The following EHMT1 variants were observed in gnomAD, a reference collection of about 807,000 sequenced individuals.
EHMT1 encodes euchromatic histone lysine methyltransferase 1.
Under a neutral mutation model 147.2 loss-of-function variants are expected in EHMT1, and 15 were observed. That is an observed-to-expected ratio of 0.10 (90% CI 0.07 to 0.16). The LOEUF is 0.16. EHMT1 is among the 10% of genes least tolerant of loss of function. The pLI, the probability that EHMT1 is intolerant of heterozygous loss-of-function variation, is 1.00. For synonymous variants in EHMT1, 795 were observed against 709.6 expected (o/e 1.12, Z -1.91); for missense variants, 1,587 against 1,772.4 (o/e 0.90, Z 1.88).
Position 137,668,929 on chromosome 9 carries a change from C to T in EHMT1, c.22-42038C>T, listed in dbSNP as rs531665637. On this transcript the variant is annotated intron_variant, in intron 1 of 26. Transcript: ENST00000460843. ...GGAGACGGAGTCTCGCTCTGTCCCC[C>T]AGGCTGGAGTGCAGTGGCGCAATCT... 1.1e-4 allele frequency among the ~76,000 whole-genome samples: 17 copies of T among 152,312 alleles called. No individual in the cohort carries two copies. In the East Asian group the frequency reaches 3.3e-3, roughly 29 times the overall value.
chr9:137,796,984 C>T (rs1366678565), intron 16 of EHMT1, among the ~76,000 whole-genome samples: 1 of 152,086 alleles, frequency 6.6e-6, no homozygotes, highest in Non-Finnish European at 1.5e-5. Flanking sequence ...TGTGATGTGT[C>T]TGCAGGTGAT....
Position 137,813,079 on chromosome 9 carries a change from C to T in EHMT1, c.2941C>T (p.Leu981Phe), listed in dbSNP as rs1236299267. The stretch of plus-strand genomic sequence containing the variant: ...AGAGACGCCCCTGCAGTGTGCGAGC[C>T]TCAACTCTCAGGTGTGGAGCGCTCT... ...EGETPLQCAS[L>F]NSQVWSALQM... Residue 981 changes from leucine (L) to phenylalanine (F), a missense_variant, in exon 20 of 27, where the codon CTC (leucine) becomes TTC (phenylalanine). Around this residue, in one of 7 missense-constraint regions of EHMT1, gnomAD observed 78 missense variants for 68.9 expected, o/e 1.13. Transcript: ENST00000460843. The surrounding 1 kb of genome is among the most constrained non-coding windows in gnomAD (Gnocchi z 4.9). 1 of 1,613,826 alleles carries T rather than the reference C, an allele frequency of 6.2e-7. No individual in the cohort carries two copies. Among genetic ancestry groups the T allele is most frequent in the Non-Finnish European group, 8.5e-7 (1 of 1,180,034 alleles).
At chr9:137,712,946 T>C (rs1944877330) in intron 2 of EHMT1, among the ~76,000 whole-genome samples, 2 of 152,202 alleles carry the variant, frequency 1.3e-5, no homozygotes, top group South Asian at 2.1e-4. Flanking sequence ...TTTGAGTTAA[T>C]TTTTGTATAT....
intron 1 of EHMT1, among the ~76,000 whole-genome samples, chr9:137,635,442 T>C (rs989310522): frequency 1.3e-5 from 2 of 150,948 alleles, no homozygotes; most frequent in African/African-American, 2.4e-5. Flanking sequence ...GTCTTGAACT[T>C]CTGACCTCGT....
At position 137,622,144 on chromosome 9, in the gene EHMT1, A is replaced by G. The variant is rs1052170887; in HGVS notation, c.21+3095A>G. Among the ~76,000 whole-genome samples the G allele has an allele frequency of 3.4e-5, 4 of 116,350 alleles. No homozygotes were observed. The East Asian group carries it at 1.1e-3, about 32-fold the overall frequency. The allele number at this position is 116,350 out of a possible 152,430, so 76.3% of individuals were successfully genotyped here. A position where few individuals can be genotyped will look rare whatever the true frequency, so the allele number is the denominator to read the frequency against. On this transcript the variant is annotated intron_variant, in intron 1 of 26. Transcript: ENST00000460843. ...CCCCTTTTTTTTCTTTTTGAGAATG[A>G]GTCTTGATCTATTGCCCAGGCTGGA...
At chr9:137,623,572 G>T in intron 1 of EHMT1, among the ~76,000 whole-genome samples, 1 of 151,984 alleles carries the variant, frequency 6.6e-6, no homozygotes, top group Middle Eastern at 3.4e-3. Flanking sequence ...TTGCTACCAC[G>T]CCTGTGCCTG....
chr9:137,669,698 A>T (rs1940307372), intron 1 of EHMT1, among the ~76,000 whole-genome samples: 1 of 151,930 alleles, frequency 6.6e-6, no homozygotes, highest in Non-Finnish European at 1.5e-5. Flanking sequence ...TCCCTATGTA[A>T]AAAAAAGCTT....
At chr9:137,780,624 C>T (rs1163109353) in intron 14 of EHMT1, among the ~76,000 whole-genome samples, 2 of 108,116 alleles carry the variant, frequency 1.8e-5, no homozygotes, top group African/African-American at 4.0e-5. Flanking sequence ...GTGGTGATGA[C>T]GCTGAGATGT....
chr9:137,717,152 C>A lies in EHMT1; in HGVS notation c.612C>A (p.Arg204=), dbSNP rs761011742. 6.2e-7 allele frequency: 1 copy of A among 1,612,504 alleles called. No individual in the cohort carries two copies. The highest frequency in any genetic ancestry group is 1.7e-5 in the Admixed American group (1 of 60,020). Residue 204 remains arginine, a synonymous_variant, in exon 3 of 27, where the codon CGC becomes CGA. Transcript: ENST00000460843. ...PGADVKVHRA[R]KTMPKSVVGL... ...CCGACGTCAAGGTCCACAGGGCACG[C>A]AAGACCATGCCGAAGTCCGTCGTGG... is the stretch of plus-strand genomic sequence containing the variant.
intron 3 of EHMT1, 105 bp downstream of exon 3, chr9:137,717,287 G>A: frequency 1.4e-6 from 2 of 1,432,948 alleles, no homozygotes; most frequent in Non-Finnish European, 1.9e-6. Context: ...AGTGTCAGTG[G>A]TTATCCGACA....
At chr9:137,647,328 C>T (rs866881829) in intron 1 of EHMT1, among the ~76,000 whole-genome samples, 2 of 152,164 alleles carry the variant, frequency 1.3e-5, no homozygotes, top group Non-Finnish European at 2.9e-5. Flanking sequence ...CTGATAGGCA[C>T]CTTCTGCCCA....
chr9:137,711,171 C>G (rs897236378), intron 2 of EHMT1, 141 bp downstream of exon 2: 2 of 810,950 alleles, frequency 2.5e-6, no homozygotes, highest in African/African-American at 1.7e-5. Flanking sequence ...TAATCTATCC[C>G]ATTCCTAAAT....
intron 1 of EHMT1, among the ~76,000 whole-genome samples, chr9:137,638,665 G>A (rs1433342477): frequency 1.3e-5 from 2 of 152,158 alleles, no homozygotes; most frequent in Non-Finnish European, 2.9e-5. Flanking sequence ...TGGAAATAGG[G>A]TCATTGCAGA....
chr9:137,626,700 C>T (rs1435223259), intron 1 of EHMT1, among the ~76,000 whole-genome samples: 2 of 151,976 alleles, frequency 1.3e-5, no homozygotes, highest in African/African-American at 4.8e-5. Context: ...CCATGGAAAG[C>T]TGAGTGCTGG....
At chr9:137,761,477 C>T (rs1414968721) in intron 9 of EHMT1, among the ~76,000 whole-genome samples, 3 of 151,982 alleles carry the variant, frequency 2.0e-5, no homozygotes, top group Non-Finnish European at 2.9e-5. Flanking sequence ...TTTTTTGAGA[C>T]GGAGTCTCAC....
chr9:137,632,160 C>A (rs953440589), intron 1 of EHMT1, among the ~76,000 whole-genome samples: 1 of 152,196 alleles, frequency 6.6e-6, no homozygotes, highest in African/African-American at 2.4e-5. Context: ...CGAATGTATC[C>A]CCCTCATTCA....
At chr9:137,807,474 TTTAC>T (rs1339817454) in intron 18 of EHMT1, among the ~76,000 whole-genome samples, 60 of 109,012 alleles carry the variant, frequency 5.5e-4, no homozygotes, top group African/African-American at 8.4e-4. Context: ...AATGGCTTTA[TTTAC>T]TTATTTATTT....
chr9:137,717,990 C>T (rs965283025), intron 3 of EHMT1, among the ~76,000 whole-genome samples: 7 of 152,242 alleles, frequency 4.6e-5, no homozygotes, highest in Admixed American at 1.3e-4. Context: ...GAATCCTGAG[C>T]GCTTCACACA....
chr9:137,771,608 T>C (rs1416273088), intron 10 of EHMT1, among the ~76,000 whole-genome samples: 2 of 152,134 alleles, frequency 1.3e-5, no homozygotes, highest in Non-Finnish European at 2.9e-5. Flanking sequence ...TCGTCTTAGC[T>C]CACCACAGGC....
Sources: gnomAD v4.1 joint callset for allele counts (sites outside exome capture counted in the v4.1 genomes callset) on GRCh38, gnomAD v4.1.1 for gene constraint, gnomAD v4.1.1 regional missense constraint, Gnocchi (gnomAD v3.1) non-coding constraint, MANE v1.5 for transcripts, NCBI Gene and HGNC (gene_info 2026-07-23, HGNC 2026-07-21) for gene names.